Variants in AKT3 observed in about 807,000 individuals in gnomAD.
The protein encoded by AKT3 is AKT serine/threonine kinase 3.
Under a neutral mutation model 65.3 loss-of-function variants are expected in AKT3, and 15 were observed. The observed-to-expected ratio is 0.23, with a 90% CI of 0.15 to 0.35. The LOEUF (loss-of-function observed/expected upper bound fraction) is 0.35, where lower values mean the gene tolerates loss of function less well. AKT3 is among the 10% of genes least tolerant of loss of function. The pLI, the probability that AKT3 is intolerant of heterozygous loss-of-function variation, is 1.00. For synonymous variants in AKT3, 206 were observed against 183.8 expected, an observed-to-expected ratio of 1.12 and a Z score of -0.98; for missense variants, 243 against 576.5, an observed-to-expected ratio of 0.42 and a Z score of 5.92.
In AKT3 at chr1:243,795,475, G is replaced by T. The variant is rs139861875; in HGVS notation, c.46+47650C>A. On this transcript the variant is annotated intron_variant, in intron 2 of 13. Coordinates refer to ENST00000673466, the MANE Select transcript of AKT3 (RefSeq NM_005465.7). ...TTTTTTTTTTTTGTTTTTTTTTTTT[G>T]GTTTTTTTTTTTTTGAGACGGAGTC... 7.9e-3 allele frequency among the ~76,000 whole-genome samples: 697 copies of T among 87,744 alleles called. 23 individuals carry two copies. Among genetic ancestry groups the T allele is most frequent in the Middle Eastern group, 0.029 (4 of 140 alleles). 57.6% of individuals were successfully genotyped at this position (87,744 alleles called of 152,430 possible). A position where few individuals can be genotyped will look rare whatever the true frequency, so the allele number is the denominator to read the frequency against.
At position 243,501,919 on chromosome 1, in the gene AKT3, TAGAC is replaced by T. The variant is rs546800010; in HGVS notation, c.*3326_*3329del. On this transcript the variant is annotated 3_prime_UTR_variant, in exon 14 of 14. Transcript: ENST00000673466. Reference sequence around the variant, plus strand: ...CTTGTGGGTCATATACTTCAGGAAATAGACAGGTTTAGTATGACCAACAGTAATA... The same window carrying T: ...CTTGTGGGTCATATACTTCAGGAAATAGGTTTAGTATGACCAACAGTAATA... 7.7e-4 allele frequency: 180 copies of T among 232,654 alleles called. 1 individual carries two copies. Among genetic ancestry groups the T allele is most frequent in the South Asian group, 2.7e-3 (15 of 5,528 alleles). The allele number at this position is 232,654 out of a possible 1,614,324, so 14.4% of individuals were successfully genotyped here.
chr1:243,550,683 T>C (rs1672988325), intron 11 of AKT3, among the ~76,000 whole-genome samples: 1 of 150,210 alleles, frequency 6.7e-6, no homozygotes, highest in Non-Finnish European at 1.5e-5. Context: ...CGGTGGCTCA[T>C]GCCTGTAATC....
intron 4 of AKT3, among the ~76,000 whole-genome samples, chr1:243,650,869 T>C (rs192171226): frequency 3.7e-4 from 57 of 152,294 alleles, no homozygotes; most frequent in Admixed American, 3.2e-3. Flanking sequence ...TTGCTCAGGA[T>C]TGTCTTGGCT....
chr1:243,653,647 G>C (rs11590660), intron 4 of AKT3, among the ~76,000 whole-genome samples: 2 of 152,110 alleles, frequency 1.3e-5, no homozygotes, highest in African/African-American at 4.8e-5. Flanking sequence ...CTATGCCTTA[G>C]CTAGTTTTTT....
upstream of AKT3, among the ~76,000 whole-genome samples, chr1:243,850,816 G>A (rs550312919): frequency 1.3e-5 from 2 of 151,924 alleles, no homozygotes; most frequent in Non-Finnish European, 2.9e-5. Flanking sequence ...TAGCCAGCCA[G>A]AGCCGGGAGC....
At chr1:243,792,786 C>T (rs1292976524) in intron 2 of AKT3, among the ~76,000 whole-genome samples, 4 of 152,144 alleles carry the variant, frequency 2.6e-5, no homozygotes, top group African/African-American at 7.2e-5. Context: ...AAACAGGTTT[C>T]GTAGCTAGAA....
chr1:243,562,065 GGATGCAACCCAA>G (rs1396423538), intron 10 of AKT3, among the ~76,000 whole-genome samples: 4 of 152,052 alleles, frequency 2.6e-5, no homozygotes, highest in African/African-American at 9.7e-5. Context: ...GCCAAAAAAT[GGATGCAACCCAA>G]TGTACATCAG....
At chr1:243,839,978 C>T (rs1000931808) in intron 2 of AKT3, among the ~76,000 whole-genome samples, 4 of 151,770 alleles carry the variant, frequency 2.6e-5, no homozygotes, top group South Asian at 2.1e-4. Context: ...GTCAGGAGAT[C>T]GACACCAACC....
At chr1:243,537,795 C>T (rs902817732) in intron 12 of AKT3, among the ~76,000 whole-genome samples, 1 of 152,188 alleles carries the variant, frequency 6.6e-6, no homozygotes, top group Non-Finnish European at 1.5e-5. Flanking sequence ...AGATTCTATC[C>T]ACCACAGATT....
chr1:243,811,370 T>A (rs1186290898), intron 2 of AKT3, among the ~76,000 whole-genome samples: 1 of 152,176 alleles, frequency 6.6e-6, no homozygotes, highest in African/African-American at 2.4e-5. Flanking sequence ...AGCATTCTTA[T>A]ATACCAATAA....
downstream of AKT3, among the ~76,000 whole-genome samples, chr1:243,495,508 C>T (rs1416157508): frequency 6.6e-6 from 1 of 152,286 alleles, no homozygotes; most frequent in Non-Finnish European, 1.5e-5. Flanking sequence ...CGCTGCCCTG[C>T]GATGGCCTTA....
chr1:243,497,785 TCTC>T (rs201597139), downstream of AKT3, among the ~76,000 whole-genome samples: 570 of 152,284 alleles, frequency 3.7e-3, 8 homozygotes, highest in African/African-American at 0.013. Context: ...CTACAGCAAT[TCTC>T]CTACATCAGC....
At chr1:243,587,298 C>A (rs1365317514) in intron 8 of AKT3, among the ~76,000 whole-genome samples, 1 of 152,100 alleles carries the variant, frequency 6.6e-6, no homozygotes, top group African/African-American at 2.4e-5. Context: ...TAGTTGCTCT[C>A]CTAGAAATTT....
intron 9 of AKT3, among the ~76,000 whole-genome samples, chr1:243,565,378 C>G (rs980030852): frequency 6.6e-6 from 1 of 152,184 alleles, no homozygotes; most frequent in Non-Finnish European, 1.5e-5. Flanking sequence ...CACGTGCCAC[C>G]ATGCCTGGCT....
intron 2 of AKT3, among the ~76,000 whole-genome samples, chr1:243,804,582 C>G (rs1255483308): frequency 6.6e-6 from 1 of 152,170 alleles, no homozygotes; most frequent in Non-Finnish European, 1.5e-5. Context: ...TGCGGTGGCT[C>G]ACGCCTGTAA....
intron 4 of AKT3, among the ~76,000 whole-genome samples, chr1:243,658,326 A>G (rs1473114968): frequency 6.6e-6 from 1 of 152,230 alleles, no homozygotes; most frequent in Non-Finnish European, 1.5e-5. Flanking sequence ...AAGTAGACAT[A>G]CAAATGATAC....
In AKT3 at chr1:243,696,761, C is replaced by T. The variant is rs1572187341; in HGVS notation, c.47-1045G>A. Among the ~76,000 whole-genome samples the T allele has an allele frequency of 2.0e-5, 3 of 151,960 alleles. No individual in the cohort carries two copies. The South Asian group carries it at 6.2e-4, about 31-fold the overall frequency. ...TCTGATTGAGCCCAATCAACTGAAC[C>T]CTTAATACGTTATATCTACTCTTCT... On this transcript the variant is annotated intron_variant, in intron 2 of 13. Transcript: ENST00000673466.
At chr1:243,693,234 C>G (rs1684815465) in intron 3 of AKT3, among the ~76,000 whole-genome samples, 1 of 53,140 alleles carries the variant, frequency 1.9e-5, no homozygotes, top group Non-Finnish European at 3.6e-5. Flanking sequence ...CCTTTGGTAG[C>G]TACAATTTGA....
intron 8 of AKT3, among the ~76,000 whole-genome samples, chr1:243,593,952 T>C (rs533794204): frequency 9.2e-5 from 14 of 151,382 alleles, no homozygotes; most frequent in African/African-American, 2.4e-4. Context: ...CATAGACAGA[T>C]AGACAATTAA....
Sources: gnomAD v4.1 joint callset for allele counts (sites outside exome capture counted in the v4.1 genomes callset) on GRCh38, gnomAD v4.1.1 for gene constraint, MANE v1.5 for transcripts, NCBI Gene and HGNC (gene_info 2026-07-23, HGNC 2026-07-21) for gene names.